TMEM273: variants seen among roughly 807,000 people sequenced by gnomAD.
The protein encoded by TMEM273 is transmembrane protein 273.
In TMEM273, 19 loss-of-function variants were observed where a neutral mutation model predicts 17.9. The observed-to-expected ratio is 1.06, with a 90% CI of 0.74 to 1.55. The LOEUF (loss-of-function observed/expected upper bound fraction) is 1.55, where lower values mean the gene tolerates loss of function less well. TMEM273 is among the 40% of genes most tolerant of loss of function. The pLI, the probability that TMEM273 is intolerant of heterozygous loss-of-function variation, is 0.00. For missense variants in TMEM273, 194 were observed against 155.6 expected, an observed-to-expected ratio of 1.25 and a Z score of -1.31; for synonymous variants, 66 against 62.0, an observed-to-expected ratio of 1.07 and a Z score of -0.31.
In TMEM273 at chr10:49,155,613, A is replaced by T. The variant is rs1353767736; in HGVS notation, c.*279T>A. On this transcript the variant is annotated 3_prime_UTR_variant, in exon 7 of 7. Coordinates refer to ENST00000374153, the MANE Select transcript of TMEM273 (RefSeq NM_001288740.3). ...TCATGGAAGCATGAACAGCTCCAAC[A>T]CAGGGTGAAGCTTTTGGTGTCCACC... 6 of 549,400 alleles carry T rather than the reference A, an allele frequency of 1.1e-5. No homozygotes were observed. The highest frequency in any genetic ancestry group is 2.0e-5 in the Non-Finnish European group (6 of 307,258). 34.0% of individuals were successfully genotyped at this position (549,400 alleles called of 1,614,324 possible). A position where few individuals can be genotyped will look rare whatever the true frequency, so the allele number is the denominator to read the frequency against.
chr10:49,187,180 C>T (rs1359941000), intron 1 of TMEM273, among the ~76,000 whole-genome samples: 3 of 152,188 alleles, frequency 2.0e-5, no homozygotes, highest in Non-Finnish European at 4.4e-5. Context: ...TGCATCTAAC[C>T]ACCGTGCACA....
chr10:49,170,356 C>T (rs1041605483), intron 1 of TMEM273, among the ~76,000 whole-genome samples: 1 of 152,146 alleles, frequency 6.6e-6, no homozygotes, highest in Non-Finnish European at 1.5e-5. Flanking sequence ...TGACTTCACC[C>T]CCCAAATGTG....
Position 49,174,526 on chromosome 10 carries a change from T to A in TMEM273, c.44-6564A>T, listed in dbSNP as rs182607889. 2.5e-3 allele frequency among the ~76,000 whole-genome samples: 379 copies of A among 152,328 alleles called. 1 individual carries two copies. The highest frequency in any genetic ancestry group is 4.6e-3 in the Admixed American group (70 of 15,304). ...AAACCCCGGAACCACCTGAGATTTCTCTTCCTCAATCACCCTCCAGTCTTA... is the reference window on the plus strand; with the variant it reads ...AAACCCCGGAACCACCTGAGATTTCACTTCCTCAATCACCCTCCAGTCTTA... On this transcript the variant is annotated intron_variant, in intron 1 of 6. Coordinates refer to ENST00000374153, the MANE Select transcript of TMEM273 (RefSeq NM_001288740.3).
At chr10:49,177,214 TCCCCAGAGGAAAC>T (rs1359715375) in intron 1 of TMEM273, among the ~76,000 whole-genome samples, 1 of 152,172 alleles carries the variant, frequency 6.6e-6, no homozygotes, top group Non-Finnish European at 1.5e-5. Flanking sequence ...CAATGCTCAG[TCCCCAGAGGAAAC>T]CACCAGGTGG....
intron 1 of TMEM273, among the ~76,000 whole-genome samples, chr10:49,176,241 C>A (rs758863221): frequency 1.3e-5 from 2 of 152,186 alleles, no homozygotes; most frequent in Non-Finnish European, 2.9e-5. Flanking sequence ...ATCCTAGGGG[C>A]CATGAGTGAA....
chr10:49,159,465 A>G (rs1293712326), intron 6 of TMEM273, among the ~76,000 whole-genome samples: 1 of 152,188 alleles, frequency 6.6e-6, no homozygotes, highest in Non-Finnish European at 1.5e-5. Flanking sequence ...AAAATGAGTA[A>G]AAATATTATG....
chr10:49,155,664 C>A lies in TMEM273; in HGVS notation c.*228G>T, dbSNP rs917280739. 8.0e-6 allele frequency: 5 copies of A among 622,372 alleles called. No individual in the cohort carries two copies. The highest frequency in any genetic ancestry group is 1.4e-5 in the Non-Finnish European group (5 of 361,680). The allele number at this position is 622,372 out of a possible 1,614,324, so 38.6% of individuals were successfully genotyped here. ...TTCTTCCACTGCAGGCTAAATTGCT[C>A]AATCCTTCCTCTGTGCAGTCCGTTT... On this transcript the variant is annotated 3_prime_UTR_variant, in exon 7 of 7. Transcript: ENST00000374153.
chr10:49,187,635 T>C (rs1847807901), intron 1 of TMEM273, among the ~76,000 whole-genome samples: 1 of 152,210 alleles, frequency 6.6e-6, no homozygotes, highest in African/African-American at 2.4e-5. Context: ...TGTCTCTCTC[T>C]CTCTCTCTTT....
At chr10:49,187,626 G>C (rs373476494) in intron 1 of TMEM273, among the ~76,000 whole-genome samples, 2 of 151,232 alleles carry the variant, frequency 1.3e-5, no homozygotes, top group Non-Finnish European at 3.0e-5. Flanking sequence ...GTCTCTGTCT[G>C]TCTCTCTCTC....
intron 1 of TMEM273, among the ~76,000 whole-genome samples, chr10:49,176,574 G>A (rs940495489): frequency 1.3e-5 from 2 of 152,210 alleles, no homozygotes; most frequent in Admixed American, 6.5e-5. Flanking sequence ...CTAAGTGGTG[G>A]GGTTATTATT....
At chr10:49,168,156 G>C (rs572888993) in intron 1 of TMEM273, among the ~76,000 whole-genome samples, 194 bp from the exon 2 acceptor site, 1 of 152,104 alleles carries the variant, frequency 6.6e-6, no homozygotes, top group Admixed American at 6.5e-5. Flanking sequence ...CCAGGAACGC[G>C]TCTCCACCCA....
intron 5 of TMEM273, among the ~76,000 whole-genome samples, chr10:49,161,918 C>G (rs1845869872): frequency 6.6e-6 from 1 of 152,164 alleles, no homozygotes; most frequent in Non-Finnish European, 1.5e-5. Flanking sequence ...TCCCATCCAG[C>G]CATTGCCTCC....
At chr10:49,172,501 C>T (rs1846641678) in intron 1 of TMEM273, among the ~76,000 whole-genome samples, 2 of 152,164 alleles carry the variant, frequency 1.3e-5, no homozygotes, top group Admixed American at 6.5e-5. Flanking sequence ...GCCCCACAGC[C>T]AGACCCCCAG....
At chr10:49,181,118 A>G (rs1045182172) in intron 1 of TMEM273, among the ~76,000 whole-genome samples, 1 of 152,244 alleles carries the variant, frequency 6.6e-6, no homozygotes, top group African/African-American at 2.4e-5. Context: ...ACAATTATAC[A>G]CAGAAAGAAA....
intron 1 of TMEM273, among the ~76,000 whole-genome samples, chr10:49,182,435 A>G (rs1034294897): frequency 3.9e-5 from 6 of 152,218 alleles, no homozygotes; most frequent in African/African-American, 1.4e-4. Flanking sequence ...TGCTCTCTTC[A>G]ATAACTCTGG....
intron 6 of TMEM273, among the ~76,000 whole-genome samples, chr10:49,156,668 TCTC>T (rs1277226742): frequency 6.4e-4 from 97 of 152,260 alleles, no homozygotes; most frequent in African/African-American, 2.3e-3. Flanking sequence ...ACAGCTAAGA[TCTC>T]CTCATGAGAG....
chr10:49,181,952 A>G (rs1847370566), intron 1 of TMEM273, among the ~76,000 whole-genome samples: 1 of 152,260 alleles, frequency 6.6e-6, no homozygotes, highest in African/African-American at 2.4e-5. Context: ...CAAAGGACTA[A>G]TATCTAGAGT....
intron 1 of TMEM273, among the ~76,000 whole-genome samples, chr10:49,183,402 C>A (rs1434806204): frequency 2.0e-5 from 3 of 150,786 alleles, no homozygotes; most frequent in Non-Finnish European, 3.0e-5. Context: ...GAGAAAGAGG[C>A]AATATATTAT....
At chr10:49,168,299 C>G (rs949272745) in intron 1 of TMEM273, among the ~76,000 whole-genome samples, 4 of 152,174 alleles carry the variant, frequency 2.6e-5, no homozygotes, top group Non-Finnish European at 5.9e-5. Flanking sequence ...GTTCCCCACA[C>G]AGCCAGGGAA....
Sources: gnomAD v4.1 joint callset for allele counts (sites outside exome capture counted in the v4.1 genomes callset) on GRCh38, gnomAD v4.1.1 for gene constraint, MANE v1.5 for transcripts, NCBI Gene and HGNC (gene_info 2026-07-23, HGNC 2026-07-21) for gene names.